Variants in PKD1L1 observed in about 807,000 individuals in gnomAD.
PKD1L1 encodes the protein polycystin 1 like 1, transient receptor potential channel interacting.
In PKD1L1, 236 loss-of-function variants were observed where a neutral mutation model predicts 323.4. That is an observed-to-expected ratio of 0.73 (90% CI 0.66 to 0.81). The LOEUF is 0.81. Among genes scored for constraint, PKD1L1 ranks in the 40% least tolerant of loss-of-function variants. The probability of loss-of-function intolerance (pLI) is 0.00; values close to 1 mark genes in which losing one functional copy is unlikely to be tolerated. For missense variants in PKD1L1, 3,320 were observed against 3,508.0 expected (o/e 0.95, Z 1.35); for synonymous variants, 1,344 against 1,335.0 (o/e 1.01, Z -0.15).
chr7:47,929,850 T>C (rs1562994844), intron 6 of PKD1L1, among the ~76,000 whole-genome samples: 1 of 152,140 alleles, frequency 6.6e-6, no homozygotes, highest in Non-Finnish European at 1.5e-5. Context: ...TTAGTAACAG[T>C]AAAAGGTAGA....
chr7:47,931,576 C>G (rs1423917491), intron 5 of PKD1L1, among the ~76,000 whole-genome samples: 1 of 152,224 alleles, frequency 6.6e-6, no homozygotes, highest in Non-Finnish European at 1.5e-5. Flanking sequence ...CATGTTTGAT[C>G]AGGAATTTCA....
chr7:47,884,405 G>C (rs1285268596), intron 19 of PKD1L1, among the ~76,000 whole-genome samples, 193 bp downstream of exon 19: 1 of 152,176 alleles, frequency 6.6e-6, no homozygotes, highest in East Asian at 1.9e-4. Flanking sequence ...CATAGGGTGA[G>C]AGAAGGGCAG....
chr7:47,858,521 G>A, intron 27 of PKD1L1, 152 bp downstream of exon 27: 1 of 631,246 alleles, frequency 1.6e-6, no homozygotes, highest in South Asian at 2.2e-5. Context: ...CAAAATGAAA[G>A]TCTCCAAATA....
chr7:47,905,347 T>A (rs1418225758), intron 10 of PKD1L1, 22 bp from the exon 11 acceptor site: 3 of 1,608,956 alleles, frequency 1.9e-6, no homozygotes, highest in East Asian at 4.5e-5. Context: ...GAAAGGAAGG[T>A]ATGTCTATGT....
chr7:47,882,190 T>TGG (rs34545042), intron 19 of PKD1L1, 105 bp from the exon 20 acceptor site: 36 of 556,304 alleles, frequency 6.5e-5, no homozygotes, highest in Admixed American at 1.4e-4. Flanking sequence ...GTACTATTGC[T>TGG]GGATACCGCC....
chr7:47,811,839 T>G lies in PKD1L1; in HGVS notation c.7559A>C (p.Gln2520Pro). The G allele has an allele frequency of 1.2e-6, 2 of 1,607,192 alleles. No homozygotes were observed. The highest frequency in any genetic ancestry group is 1.7e-6 in the Non-Finnish European group (2 of 1,177,228). Residue 2520 changes from glutamine to proline, a missense_variant, in exon 50 of 57, where the codon CAG becomes CCG. Transcript: ENST00000289672. ...CACCTGGGGAAGCATGAGGTGGTAC[T>G]GCAGGGCTGAGTCGCTGCGGAAGAT... ...FSIFRSDSAL[Q>P]YHLMLPQLVF...
At chr7:47,804,944 G>A (rs1257112866) in intron 52 of PKD1L1, among the ~76,000 whole-genome samples, 1 of 152,186 alleles carries the variant, frequency 6.6e-6, no homozygotes, top group Non-Finnish European at 1.5e-5. Flanking sequence ...GGACAGAGTG[G>A]AAGGGCCGCT....
chr7:47,950,578 T>G (rs1788189837), upstream of PKD1L1, among the ~76,000 whole-genome samples: 1 of 152,130 alleles, frequency 6.6e-6, no homozygotes, highest in Non-Finnish European at 1.5e-5. Context: ...GGTGTGGTGA[T>G]GCACGCCTGT....
chr7:47,893,947 G>C lies in PKD1L1; in HGVS notation c.2384C>G (p.Thr795Ser). ...TCTGAGGACAATGGGGGATGAGGTG[G>C]TCCTGGAGAAGAATAGGTGTGTGCC... ...SEGTHLFFSR[T>S]TSSPIVLRGT... Residue 795 changes from threonine to serine, a missense_variant, in exon 15 of 57, where the codon ACC (threonine) becomes AGC (serine). Thr to Ser is a moderately conservative substitution (Grantham distance 58). Coordinates refer to ENST00000289672, the MANE Select transcript of PKD1L1 (RefSeq NM_138295.5). 6.2e-7 allele frequency: 1 copy of C among 1,614,054 alleles called. No homozygotes were observed. The highest frequency in any genetic ancestry group is 8.5e-7 in the Non-Finnish European group (1 of 1,180,024).
Position 47,775,036 on chromosome 7 carries a change from G to T in PKD1L1, c.*107C>A. 5 of 1,196,928 alleles carry T rather than the reference G, an allele frequency of 4.2e-6. No individual in the cohort carries two copies. The highest frequency in any genetic ancestry group is 1.3e-5 in the South Asian group (1 of 74,570). The allele number at this position is 1,196,928 out of a possible 1,614,324, so 74.1% of individuals were successfully genotyped here. ...CTGGAAAAATTAACAAAACTTCTTC[G>T]TACCTCAGCTCTTCTCACCTGCAAA... is the stretch of plus-strand genomic sequence containing the variant. On this transcript the variant is annotated 3_prime_UTR_variant, in exon 57 of 57. Transcript: ENST00000289672.
rs114757306 is a variant in PKD1L1, at chr7:47,835,097, C to T, written c.6054+36G>A. ...GTTCCCCAGCAATGAAGGGGCTGCTCAGGAGAACAGGGCCATGAGGACAAG... is the reference window on the plus strand; with the variant it reads ...GTTCCCCAGCAATGAAGGGGCTGCTTAGGAGAACAGGGCCATGAGGACAAG... On this transcript the variant is annotated intron_variant, in intron 38 of 56. Transcript: ENST00000289672. 1,233 of 1,607,112 alleles carry T rather than the reference C, an allele frequency of 7.7e-4. 6 individuals carry two copies. The African/African-American group carries it at 0.014, about 18-fold the overall frequency.
intron 21 of PKD1L1, among the ~76,000 whole-genome samples, chr7:47,878,793 G>A (rs4724660): frequency 0.36 from 55,080 of 152,040 alleles, 11,335 homozygotes; most frequent in African/African-American, 0.56. Context: ...GAAGAGCACG[G>A]GAAGGGAGGG....
intron 30 of PKD1L1, among the ~76,000 whole-genome samples, chr7:47,853,548 G>C (rs1785827778): frequency 6.6e-6 from 1 of 152,108 alleles, no homozygotes; most frequent in Non-Finnish European, 1.5e-5. Flanking sequence ...TTTGAGACCA[G>C]CCTGACCAAC....
Position 47,936,961 on chromosome 7 carries a change from G to A in PKD1L1, c.286-3C>T, listed in dbSNP as rs760055656. 14 of 1,596,170 alleles carry A rather than the reference G, an allele frequency of 8.8e-6. No homozygotes were observed. The highest frequency in any genetic ancestry group is 1.7e-4 in the Middle Eastern group (1 of 6,014). On this transcript the variant is annotated splice_region_variant and splice_polypyrimidine_tract_variant and intron_variant, in intron 3 of 56. Transcript: ENST00000289672. ...TCACTAGTTGTTTTCCAAATGTTCT[G>A]TAAGAAAAAATAATAAAATAATGTG... is the stretch of plus-strand genomic sequence containing the variant.
chr7:47,931,339 A>C lies in PKD1L1; in HGVS notation c.520-18T>G. ...CCCTGGAGCTTAAAAGTTTAAGAAC[A>C]GTTCAGGGTTTATTGAATGGCCTCG... On this transcript the variant is annotated intron_variant, in intron 5 of 56. Coordinates refer to ENST00000289672, the MANE Select transcript of PKD1L1 (RefSeq NM_138295.5). 6.2e-7 allele frequency: 1 copy of C among 1,613,370 alleles called. No homozygotes were observed. The highest frequency in any genetic ancestry group is 8.5e-7 in the Non-Finnish European group (1 of 1,179,592).
chr7:47,874,627 G>C (rs905678059), intron 23 of PKD1L1, among the ~76,000 whole-genome samples: 4 of 152,124 alleles, frequency 2.6e-5, no homozygotes, highest in Non-Finnish European at 4.4e-5. Flanking sequence ...CCACAATCCT[G>C]AGTCAGTGGA....
chr7:47,854,898 C>A lies in PKD1L1; in HGVS notation c.4843G>T (p.Val1615Phe), dbSNP rs369137577. ...TCAACACACCTTACTAGCAACATGA[C>A]GGGAAATGCCCTTGTAACAGGTTTG... is the stretch of plus-strand genomic sequence containing the variant. ...FSKPVTRAFP[V>F]MLLVRFSEKP... The change falls in exon 30 of 57, where the codon GTC (valine) becomes TTC (phenylalanine). Residue 1615 changes from valine (V) to phenylalanine (F), a missense_variant. Physicochemically the swap from Val to Phe is conservative, Grantham distance 50. Transcript: ENST00000289672. 1 of 1,613,948 alleles carries A rather than the reference C, an allele frequency of 6.2e-7. No individual in the cohort carries two copies. Among genetic ancestry groups the A allele is most frequent in the East Asian group, 2.2e-5 (1 of 44,898 alleles).
intron 46 of PKD1L1, among the ~76,000 whole-genome samples, chr7:47,818,684 A>T (rs943568111): frequency 1.3e-5 from 2 of 152,244 alleles, no homozygotes; most frequent in East Asian, 3.8e-4. Context: ...TACCGCAATT[A>T]TATAAAATAA....
chr7:47,920,972 A>C (rs1333659399), intron 7 of PKD1L1, among the ~76,000 whole-genome samples: 1 of 152,212 alleles, frequency 6.6e-6, no homozygotes, highest in Non-Finnish European at 1.5e-5. Flanking sequence ...CCTTCTAGAC[A>C]TTGGCTTAGG....
Sources: allele counts gnomAD v4.1 joint callset (sites outside exome capture counted in the v4.1 genomes callset), GRCh38; gene constraint gnomAD v4.1.1; transcripts MANE v1.5; gene names NCBI Gene and HGNC (gene_info 2026-07-23, HGNC 2026-07-21).